TM9SF2: variants seen among roughly 807,000 people sequenced by gnomAD.
The protein encoded by TM9SF2 is transmembrane 9 superfamily member 2, also known as 76 kDa membrane protein.
In TM9SF2, 13 loss-of-function variants were observed where a neutral mutation model predicts 84.9. The observed-to-expected ratio is 0.15, with a 90% CI of 0.10 to 0.24. The LOEUF is 0.24. Ranked by LOEUF, TM9SF2 falls within the 10% of genes least tolerant of loss-of-function variation. The pLI is 1.00. For synonymous variants in TM9SF2, 273 were observed against 285.8 expected, an observed-to-expected ratio of 0.96 and a Z score of 0.45; for missense variants, 562 against 818.5, an observed-to-expected ratio of 0.69 and a Z score of 3.82.
chr13:99,515,813 A>T (rs368762807), intron 1 of TM9SF2, among the ~76,000 whole-genome samples: 3 of 151,016 alleles, frequency 2.0e-5, no homozygotes, highest in African/African-American at 7.3e-5. Flanking sequence ...GCTCACTGCA[A>T]CCTCTGCCTC....
intron 4 of TM9SF2, among the ~76,000 whole-genome samples, chr13:99,534,714 G>T (rs1417993701): frequency 6.6e-6 from 1 of 152,218 alleles, no homozygotes; most frequent in Non-Finnish European, 1.5e-5. Flanking sequence ...GTGATAAAAA[G>T]TTGGGAGTCA....
At chr13:99,550,130 C>G (rs907368123) in intron 12 of TM9SF2, among the ~76,000 whole-genome samples, 2 of 152,214 alleles carry the variant, frequency 1.3e-5, no homozygotes, top group African/African-American at 4.8e-5. Context: ...TCTAGTCTCA[C>G]ACATCTTCCA....
At chr13:99,502,288 G>T (rs1435918343) in intron 1 of TM9SF2, among the ~76,000 whole-genome samples, 1 of 152,198 alleles carries the variant, frequency 6.6e-6, no homozygotes, top group Non-Finnish European at 1.5e-5. Context: ...TAGTTGGTTA[G>T]GAGAGCTTGT....
Position 99,550,688 on chromosome 13 carries a change from T to G in TM9SF2, c.1328+1466T>G, listed in dbSNP as rs1402485279. Among the ~76,000 whole-genome samples the G allele has an allele frequency of 2.6e-5, 4 of 152,176 alleles. No individual in the cohort carries two copies. In the East Asian group the frequency reaches 7.7e-4, roughly 29 times the overall value. Reference sequence around the variant, plus strand: ...AATAACAGGAAATCTAGTCATACAATTCTACATAAATAAACACCTGCATAT... The same window carrying G: ...AATAACAGGAAATCTAGTCATACAAGTCTACATAAATAAACACCTGCATAT... On this transcript the variant is annotated intron_variant, in intron 12 of 16. Coordinates refer to ENST00000376387, the MANE Select transcript of TM9SF2 (RefSeq NM_004800.3).
rs757753616 is a variant in TM9SF2 at position 99,536,594 on chromosome 13, CT to C, written c.462-11del. 6.2e-7 allele frequency: 1 copy of C among 1,608,632 alleles called. No individual in the cohort carries two copies. The highest frequency in any genetic ancestry group is 8.5e-7 in the Non-Finnish European group (1 of 1,176,822). ...TGGGTTCTTTTCTAACTTAACTCCT[CT>C]TTCCATGTGTAGGATTGTGGATAAT... On this transcript the variant is annotated splice_polypyrimidine_tract_variant and intron_variant, in intron 4 of 16. Transcript: ENST00000376387.
Position 99,501,680 on chromosome 13 carries a change from G to C in TM9SF2, c.74G>C (p.Gly25Ala). The change falls in exon 1 of 17, where the codon GGG becomes GCG. Residue 25 changes from glycine (G) to alanine (A), a missense_variant. Around this residue, in one of 4 missense-constraint regions of TM9SF2, gnomAD observed 267 missense variants for 316.7 expected, o/e 0.84. Coordinates refer to ENST00000376387, the MANE Select transcript of TM9SF2 (RefSeq NM_004800.3). ...TTGCTGCTGTCGCTGCTCCTGCTGG[G>C]GGCGGTTCCTGGCCCGCGCCGGAGC... ...RLLLLSLLLL[G>A]AVPGPRRSGA... 6.2e-7 allele frequency: 1 copy of C among 1,613,240 alleles called. No homozygotes were observed. The highest frequency in any genetic ancestry group is 8.5e-7 in the Non-Finnish European group (1 of 1,179,804).
At chr13:99,509,357 A>T (rs1566562329) in intron 1 of TM9SF2, among the ~76,000 whole-genome samples, 2 of 152,020 alleles carry the variant, frequency 1.3e-5, no homozygotes, top group Non-Finnish European at 2.9e-5. Context: ...CCAACACCAC[A>T]TTTCCCCTCC....
At chr13:99,533,297 G>A (rs370471480) in intron 4 of TM9SF2, among the ~76,000 whole-genome samples, 1 of 152,150 alleles carries the variant, frequency 6.6e-6, no homozygotes, top group African/African-American at 2.4e-5. Context: ...GTCAGTCTCA[G>A]CCTCATTTCT....
chr13:99,506,825 C>T (rs1289062134), intron 1 of TM9SF2, among the ~76,000 whole-genome samples: 1 of 152,244 alleles, frequency 6.6e-6, no homozygotes, highest in Non-Finnish European at 1.5e-5. Flanking sequence ...TAGAGCCCAG[C>T]TGCCCAAACC....
At chr13:99,536,115 CTG>C (rs1372473060) in intron 4 of TM9SF2, among the ~76,000 whole-genome samples, 2 of 152,130 alleles carry the variant, frequency 1.3e-5, no homozygotes, top group Non-Finnish European at 1.5e-5. Context: ...GTCTAATAAA[CTG>C]TTCCTGAGGA....
At chr13:99,539,856 T>A (rs1248111385) in intron 7 of TM9SF2, among the ~76,000 whole-genome samples, 1 of 152,202 alleles carries the variant, frequency 6.6e-6, no homozygotes, top group African/African-American at 2.4e-5. Context: ...GCCAGAGATA[T>A]ATTCAGAAAC....
intron 1 of TM9SF2, among the ~76,000 whole-genome samples, chr13:99,516,432 C>A (rs2046135036): frequency 6.6e-6 from 1 of 152,196 alleles, no homozygotes; most frequent in Admixed American, 6.5e-5. Flanking sequence ...CTTGTCCCAG[C>A]TGAACAGCTC....
At chr13:99,539,608 T>G (rs1484560737) in intron 7 of TM9SF2, 51 bp downstream of exon 7, 1 of 1,191,550 alleles carries the variant, frequency 8.4e-7, no homozygotes, top group Non-Finnish European at 1.3e-6. Context: ...TTTAAATTTG[T>G]ACTACTTAAA....
At chr13:99,542,616 C>T (rs896086553) in intron 9 of TM9SF2, among the ~76,000 whole-genome samples, 3 of 152,080 alleles carry the variant, frequency 2.0e-5, no homozygotes, top group Non-Finnish European at 2.9e-5. Context: ...CCCAACCTCT[C>T]TGACCTGTTC....
rs760135631 is a variant in TM9SF2, at chr13:99,549,142, A to G, written c.1271-23A>G. 3 of 1,600,638 alleles carry G rather than the reference A, an allele frequency of 1.9e-6. No homozygotes were observed. In the South Asian group the frequency reaches 3.4e-5, roughly 18 times the overall value. ...TGCTTTAAAGAAAATCTGTATTTAT[A>G]CAACTTTTGTTTTCTTCTATAGCCT... On this transcript the variant is annotated intron_variant, in intron 11 of 16. Transcript: ENST00000376387.
intron 11 of TM9SF2, among the ~76,000 whole-genome samples, chr13:99,547,427 A>G (rs1161836002): frequency 6.6e-6 from 1 of 152,212 alleles, no homozygotes; most frequent in African/African-American, 2.4e-5. Flanking sequence ...CATATAGACT[A>G]ATAAAGGAGA....
chr13:99,546,225 A>G (rs2046282070), intron 10 of TM9SF2, among the ~76,000 whole-genome samples: 1 of 152,126 alleles, frequency 6.6e-6, no homozygotes, highest in African/African-American at 2.4e-5. Context: ...GGGGGGAAAC[A>G]ATGGGGATTT....
chr13:99,536,331 A>T (rs9554606), intron 4 of TM9SF2, among the ~76,000 whole-genome samples: 13,182 of 150,952 alleles, frequency 0.087, 1,274 homozygotes, highest in East Asian at 0.52. Flanking sequence ...AAGGCTAGTC[A>T]AATGAAGCAG....
At chr13:99,528,911 A>G (rs2046195818) in intron 3 of TM9SF2, among the ~76,000 whole-genome samples, 2 of 152,224 alleles carry the variant, frequency 1.3e-5, no homozygotes, top group Non-Finnish European at 1.5e-5. Context: ...TTATTAAAAG[A>G]TGGAATTATG....
Sources: gnomAD v4.1 joint callset for allele counts (sites outside exome capture counted in the v4.1 genomes callset) on GRCh38, gnomAD v4.1.1 for gene constraint, gnomAD v4.1.1 regional missense constraint, MANE v1.5 for transcripts, NCBI Gene and HGNC (gene_info 2026-07-23, HGNC 2026-07-21) for gene names.